CREM: variants seen among roughly 807,000 people sequenced by gnomAD.
The protein encoded by CREM is cAMP responsive element modulator.
In CREM, 13 loss-of-function variants were observed where a neutral mutation model predicts 37.3. The ratio of observed to expected loss-of-function variants is 0.35; its 90% CI spans 0.23 to 0.55. CREM has a LOEUF of 0.55. Among genes scored for constraint, CREM ranks in the 20% least tolerant of loss-of-function variants. The pLI is 0.88. For missense variants in CREM, 296 were observed against 362.3 expected (o/e 0.82, Z 1.49); for synonymous variants, 124 against 120.2 (o/e 1.03, Z -0.21).
At chr10:35,161,710 A>G (rs1470545032) in intron 3 of CREM, among the ~76,000 whole-genome samples, 1 of 152,144 alleles carries the variant, frequency 6.6e-6, no homozygotes, top group African/African-American at 2.4e-5. Context: ...ATTGCAAATC[A>G]AAACTACAAT....
chr10:35,195,941 C>G (rs2095139174), intron 6 of CREM: 1 of 925,368 alleles, frequency 1.1e-6, no homozygotes, highest in Non-Finnish European at 1.7e-6. Context: ...ACTAGCTCAC[C>G]ACTGCCTCTG....
At chr10:35,208,977 A>G (rs2095603579) in intron 7 of CREM, among the ~76,000 whole-genome samples, 1 of 152,216 alleles carries the variant, frequency 6.6e-6, no homozygotes, top group African/African-American at 2.4e-5. Flanking sequence ...ACATGAGAAT[A>G]GGTGATTATT....
intron 5 of CREM, among the ~76,000 whole-genome samples, chr10:35,184,283 AATTC>A (rs1010609985): frequency 2.7e-4 from 41 of 152,282 alleles, no homozygotes; most frequent in African/African-American, 9.9e-4. Flanking sequence ...GATATGTCTA[AATTC>A]ATTCAGTTAA....
chr10:35,154,324 C>T, intron 3 of CREM: 2 of 365,536 alleles, frequency 5.5e-6, no homozygotes, highest in Non-Finnish European at 4.9e-6. Flanking sequence ...AAATAGAAGA[C>T]CTCAAGCAAC....
In CREM at chr10:35,126,942, C is replaced by T. The variant is rs984186893; in HGVS notation, c.-306C>T. On this transcript the variant is annotated 5_prime_UTR_variant, in exon 1 of 8. Coordinates refer to ENST00000685392, the MANE Select transcript of CREM (RefSeq NM_183011.2). Reference sequence around the variant, plus strand: ...CTCGGGGCCTCCCCCGGGAGGCCGTCCCGGCGTGGGGGAGGGGAGGACGGG... The same window carrying T: ...CTCGGGGCCTCCCCCGGGAGGCCGTTCCGGCGTGGGGGAGGGGAGGACGGG... The T allele has an allele frequency of 1.2e-4, 19 of 152,168 alleles. No homozygotes were observed. Among genetic ancestry groups the T allele is most frequent in the African/African-American group, 4.3e-4 (18 of 41,432 alleles). 9.4% of individuals were successfully genotyped at this position (152,168 alleles called of 1,614,324 possible).
At chr10:35,164,868 G>A (rs2093461869) in intron 3 of CREM, among the ~76,000 whole-genome samples, 1 of 152,034 alleles carries the variant, frequency 6.6e-6, no homozygotes, top group African/African-American at 2.4e-5. Context: ...TGGCCAACAT[G>A]GTGAAACCCT....
intron 5 of CREM, among the ~76,000 whole-genome samples, chr10:35,185,448 T>C (rs1259012038): frequency 6.6e-6 from 1 of 152,192 alleles, no homozygotes; most frequent in East Asian, 1.9e-4. Context: ...GACCTTGGGC[T>C]GCTCTTTCTA....
At chr10:35,194,324 A>T (rs1436315589) in intron 6 of CREM, among the ~76,000 whole-genome samples, 2 of 68,328 alleles carry the variant, frequency 2.9e-5, no homozygotes, top group Non-Finnish European at 6.9e-5. Flanking sequence ...TTGACATTTA[A>T]AAAAAATGTA....
At position 35,211,368 on chromosome 10, in the gene CREM, C is replaced by T. The variant is rs1232558014; in HGVS notation, c.870C>T (p.Leu290=). The part of the protein sequence containing the change: ...NKTLIEELKA[L]KDLYCHKVE ...CTCTCATTGAGGAACTCAAGGCCCT[C>T]AAAGATCTTTATTGCCATAAAGTAG... Residue 290 remains leucine (L), a synonymous_variant, in exon 8 of 8, where the codon CTC becomes CTT. Coordinates refer to ENST00000685392, the MANE Select transcript of CREM (RefSeq NM_183011.2). 1 of 1,613,914 alleles carries T rather than the reference C, an allele frequency of 6.2e-7. No homozygotes were observed. The highest frequency in any genetic ancestry group is 8.5e-7 in the Non-Finnish European group (1 of 1,179,978).
chr10:35,175,579 A>G (rs1325314829), intron 3 of CREM: 1 of 1,282,198 alleles, frequency 7.8e-7, no homozygotes, highest in Non-Finnish European at 1.1e-6. Context: ...TAACTGCTTT[A>G]GAACTTTGTG....
chr10:35,188,122 A>G (rs2094731940), intron 5 of CREM, 78 bp from the exon 6 acceptor site: 1 of 1,341,450 alleles, frequency 7.5e-7, no homozygotes, highest in African/African-American at 1.5e-5. Flanking sequence ...AAATAGACCC[A>G]GAGTATATTC....
At chr10:35,156,128 A>T (rs1206159680) in intron 3 of CREM, among the ~76,000 whole-genome samples, 1 of 150,604 alleles carries the variant, frequency 6.6e-6, no homozygotes, top group African/African-American at 2.4e-5. Context: ...TTTAGTAGAG[A>T]TGGAGTTTCA....
rs543572164 is a variant in CREM at position 35,167,536 on chromosome 10, C to T, written c.169-11353C>T. Reference sequence around the variant, plus strand: ...CATCATAAACCCCATCGTGAGGGAACCTAGCTACGGGTCAGAGCTAGTCCA... The same window carrying T: ...CATCATAAACCCCATCGTGAGGGAATCTAGCTACGGGTCAGAGCTAGTCCA... On this transcript the variant is annotated intron_variant, in intron 3 of 7. Transcript: ENST00000685392. 5.4e-5 allele frequency: 31 copies of T among 577,142 alleles called. No homozygotes were observed. The African/African-American group carries it at 5.4e-4, about 10-fold the overall frequency. 35.8% of individuals were successfully genotyped at this position (577,142 alleles called of 1,614,324 possible). A position where few individuals can be genotyped will look rare whatever the true frequency, so the allele number is the denominator to read the frequency against.
intron 3 of CREM, among the ~76,000 whole-genome samples, chr10:35,170,984 A>T (rs1236510926): frequency 6.6e-6 from 1 of 151,964 alleles, no homozygotes; most frequent in African/African-American, 2.4e-5. Flanking sequence ...CTCAGCCTTT[A>T]TTTTAGCATT....
intron 2 of CREM, among the ~76,000 whole-genome samples, chr10:35,146,030 T>C (rs2135907547): frequency 6.6e-6 from 1 of 152,318 alleles, no homozygotes; most frequent in Middle Eastern, 3.4e-3. Flanking sequence ...CCAACAACCA[T>C]GTAGTTAATG....
chr10:35,147,333 G>A (rs1187729536), intron 2 of CREM, among the ~76,000 whole-genome samples: 3 of 151,972 alleles, frequency 2.0e-5, no homozygotes, highest in Non-Finnish European at 2.9e-5. Flanking sequence ...GATTACAGAC[G>A]TGAGCCACCG....
chr10:35,208,006 A>G lies in CREM; in HGVS notation c.755+955A>G, dbSNP rs150530056. Among the ~76,000 whole-genome samples, 300 of 152,314 alleles carry G rather than the reference A, an allele frequency of 2.0e-3. 2 individuals are homozygous for G. The highest frequency in any genetic ancestry group is 7.0e-3 in the African/African-American group (289 of 41,562). ...AGGACTTTGTTAGAAACAAAGAGCT[A>G]TTTTGTATTTAGTATTTGCTGTGAA... On this transcript the variant is annotated intron_variant, in intron 7 of 7. Coordinates refer to ENST00000685392, the MANE Select transcript of CREM (RefSeq NM_183011.2).
rs761583527 is a variant in CREM, at chr10:35,179,145, A to G, written c.278A>G (p.Asn93Ser). ...AAATTGTATTTTAGGAAAATACTGA[A>G]TGAACTGTCCTCTGATGTGCCTGGT... is the stretch of plus-strand genomic sequence containing the variant. The part of the protein sequence containing the change: ...SRRPSYRKIL[N>S]ELSSDVPGVP... The change falls in exon 5 of 8, where the codon AAT becomes AGT. Residue 93 changes from asparagine (N) to serine (S), a missense_variant. Asn to Ser is a conservative substitution (Grantham distance 46). Transcript: ENST00000685392. The G allele has an allele frequency of 5.6e-6, 9 of 1,611,198 alleles. No individual in the cohort carries two copies. The highest frequency in any genetic ancestry group is 6.8e-6 in the Non-Finnish European group (8 of 1,178,848).
intron 5 of CREM, among the ~76,000 whole-genome samples, chr10:35,183,320 C>T (rs535126105): frequency 4.6e-5 from 7 of 152,234 alleles, no homozygotes; most frequent in South Asian, 4.1e-4. Context: ...AGGAGGCTCA[C>T]GAATAAGCAC....
Sources: gnomAD v4.1 joint callset for allele counts (sites outside exome capture counted in the v4.1 genomes callset) on GRCh38, gnomAD v4.1.1 for gene constraint, MANE v1.5 for transcripts, NCBI Gene and HGNC (gene_info 2026-07-23, HGNC 2026-07-21) for gene names.